The following TRIP13 variants were observed in gnomAD, a reference collection of about 807,000 sequenced individuals.
The protein encoded by TRIP13 is pachytene checkpoint protein 2 homolog.
In TRIP13, 25 loss-of-function variants were observed where a neutral mutation model predicts 54.4. That is an observed-to-expected ratio of 0.46 (90% CI 0.33 to 0.64). The LOEUF (loss-of-function observed/expected upper bound fraction) is 0.64, where lower values mean the gene tolerates loss of function less well. Ranked by LOEUF, TRIP13 falls within the 30% of genes least tolerant of loss-of-function variation. The pLI is 0.02. For synonymous variants in TRIP13, 207 were observed against 207.8 expected, an observed-to-expected ratio of 1.00 and a Z score of 0.03; for missense variants, 373 against 534.2, an observed-to-expected ratio of 0.70 and a Z score of 2.97.
At position 912,937 on chromosome 5, in the gene TRIP13, T is replaced by C. The variant is rs1010361306; in HGVS notation, c.1020+941T>C. 6.6e-6 allele frequency among the ~76,000 whole-genome samples: 1 copy of C among 152,326 alleles called. No homozygotes were observed. The highest frequency in any genetic ancestry group is 6.5e-5 in the Admixed American group (1 of 15,308). On this transcript the variant is annotated intron_variant, in intron 10 of 12. Coordinates refer to ENST00000166345, the MANE Select transcript of TRIP13 (RefSeq NM_004237.4). This position sits in a 1 kb window ranked among gnomAD's most constrained non-coding sequence, Gnocchi z 7.2. ...TGAGTTTAATGCAGTTGTTGCCACCTGCTGGTACCACAGAGTAGGGGTGTT... is the reference window on the plus strand; with the variant it reads ...TGAGTTTAATGCAGTTGTTGCCACCCGCTGGTACCACAGAGTAGGGGTGTT...
rs751270017 is a variant in TRIP13 at position 908,105 on chromosome 5, C to T, written c.759+31C>T. 1 of 1,611,296 alleles carries T rather than the reference C, an allele frequency of 6.2e-7. No individual in the cohort carries two copies. Among genetic ancestry groups the T allele is most frequent in the Non-Finnish European group, 8.5e-7 (1 of 1,177,374 alleles). On this transcript the variant is annotated intron_variant, in intron 8 of 12. Coordinates refer to ENST00000166345, the MANE Select transcript of TRIP13 (RefSeq NM_004237.4). The surrounding 1 kb of genome is among the most constrained non-coding windows in gnomAD (Gnocchi z 5.2). ...CATTTCCAGATAAGGAAATTCATGA[C>T]AGAATCGCCTTTTGCCATTGTGGGG...
At position 893,031 on chromosome 5, in the gene TRIP13, G is replaced by A; in HGVS notation, c.33G>A (p.Ala11=). ...AGGCCGTGGGCGACCTGAAGCAGGC[G>A]CTTCCCTGTGTGGCCGAGTCGCCAA... MDEAVGDLKQ[A]LPCVAESPTV... is the part of the protein sequence containing the mutation. The change falls in exon 1 of 13, where the codon GCG becomes GCA. Residue 11 remains alanine (A), a synonymous_variant. Transcript: ENST00000166345. 2 of 1,595,144 alleles carry A rather than the reference G, an allele frequency of 1.3e-6. No homozygotes were observed. Among genetic ancestry groups the A allele is most frequent in the South Asian group, 1.1e-5 (1 of 88,074 alleles).
At chr5:902,833 G>A (rs1029849720) in intron 5 of TRIP13, among the ~76,000 whole-genome samples, 2 of 152,238 alleles carry the variant, frequency 1.3e-5, no homozygotes, top group African/African-American at 4.8e-5. Context: ...CGTGGGTCAC[G>A]TGTCCACTGG....
At position 915,562 on chromosome 5, in the gene TRIP13, C is replaced by T. The variant is rs569982514; in HGVS notation, c.1134-342C>T. On this transcript the variant is annotated intron_variant, in intron 11 of 12. Transcript: ENST00000166345. This position sits in a 1 kb window ranked among gnomAD's most constrained non-coding sequence, Gnocchi z 4.2. The stretch of plus-strand genomic sequence containing the variant: ...GGATGCTGGCCCTGGGGCAGAGGCT[C>T]CCGGGCAGGTGATGCCTTCCCTGAG... Among the ~76,000 whole-genome samples the T allele has an allele frequency of 2.6e-5, 4 of 151,180 alleles. No homozygotes were observed. The highest frequency in any genetic ancestry group is 2.1e-4 in the South Asian group (1 of 4,788).
chr5:901,271 G>A, intron 4 of TRIP13, 70 bp from the exon 5 acceptor site: 1 of 1,423,168 alleles, frequency 7.0e-7, no homozygotes, highest in Non-Finnish European at 9.8e-7. Context: ...AGCCCTGGGG[G>A]AGGGCACATT....
intron 4 of TRIP13, 42 bp downstream of exon 4, chr5:900,591 A>G (rs187783664): frequency 3.7e-6 from 6 of 1,603,402 alleles, no homozygotes; most frequent in South Asian, 2.2e-5. Flanking sequence ...TGTTATTTGA[A>G]GAGGAACCAT....
At chr5:900,605 T>C (rs969330259) in intron 4 of TRIP13, 56 bp downstream of exon 4, 1 of 1,587,662 alleles carries the variant, frequency 6.3e-7, no homozygotes, top group Non-Finnish European at 8.6e-7. Context: ...GAACCATTAC[T>C]GTTTTGCTCT....
At chr5:901,865 C>T (rs570509228) in intron 5 of TRIP13, among the ~76,000 whole-genome samples, 47 of 152,286 alleles carry the variant, frequency 3.1e-4, no homozygotes, top group African/African-American at 1.1e-3. Context: ...TCAGGTGATC[C>T]GCCCGCCTCA....
At chr5:905,388 G>A (rs1754092487) in intron 6 of TRIP13, among the ~76,000 whole-genome samples, 1 of 152,164 alleles carries the variant, frequency 6.6e-6, no homozygotes, top group African/African-American at 2.4e-5. Context: ...CCAGGACATC[G>A]GGGGCGCCAT....
In TRIP13 at chr5:907,209, T is replaced by C. The variant is rs773105734; in HGVS notation, c.672+16T>C. 1.3e-6 allele frequency: 2 copies of C among 1,599,492 alleles called. No individual in the cohort carries two copies. Among genetic ancestry groups the C allele is most frequent in the South Asian group, 2.2e-5 (2 of 90,578 alleles). ...GTTTTCGGAAGTAAGTATTAAATAT[T>C]AATTCTAATTGTCTGGATTGTATAG... On this transcript the variant is annotated intron_variant, in intron 7 of 12. Coordinates refer to ENST00000166345, the MANE Select transcript of TRIP13 (RefSeq NM_004237.4). The surrounding 1 kb of genome is among the most constrained non-coding windows in gnomAD (Gnocchi z 4.1).
chr5:911,999 A>C lies in TRIP13; in HGVS notation c.1020+3A>C. 3.8e-6 allele frequency: 6 copies of C among 1,592,384 alleles called. No homozygotes were observed. Among genetic ancestry groups the C allele is most frequent in the Admixed American group, 3.7e-5 (2 of 53,836 alleles). ...CTTGTTTGGAAGAACTGATGAAGGT[A>C]CCTTTATTTTTTTTTTCCTCTTGAT... On this transcript the variant is annotated splice_donor_region_variant and intron_variant, in intron 10 of 12. Transcript: ENST00000166345. The surrounding 1 kb of genome is among the most constrained non-coding windows in gnomAD (Gnocchi z 4.7).
chr5:895,007 A>G (rs960241911), intron 2 of TRIP13, 55 bp downstream of exon 2: 2 of 1,523,086 alleles, frequency 1.3e-6, no homozygotes, highest in African/African-American at 1.4e-5. Flanking sequence ...AAAAGGTTGT[A>G]TCATGAATGT....
intron 5 of TRIP13, among the ~76,000 whole-genome samples, chr5:902,674 T>TAAAAG (rs372633108): frequency 0.12 from 17,997 of 151,884 alleles, 1,955 homozygotes; most frequent in African/African-American, 0.29. Flanking sequence ...GACAAAGAGA[T>TAAAAG]AAAAGACAGC....
At chr5:904,484 T>A (rs1364981910) in intron 6 of TRIP13, among the ~76,000 whole-genome samples, 5 of 152,236 alleles carry the variant, frequency 3.3e-5, no homozygotes, top group African/African-American at 1.2e-4. Flanking sequence ...GATGCAGTGT[T>A]CGTCTCTAAT....
At chr5:900,427 G>C (rs1753958419) in intron 3 of TRIP13, 67 bp from the exon 4 acceptor site, 4 of 1,530,758 alleles carry the variant, frequency 2.6e-6, no homozygotes, top group Non-Finnish European at 3.6e-6. Context: ...GCTCAGGGGA[G>C]ACTGACTGGG....
At position 914,590 on chromosome 5, in the gene TRIP13, C is replaced by T. The variant is rs377725683; in HGVS notation, c.1133+13C>T. On this transcript the variant is annotated intron_variant, in intron 11 of 12. Transcript: ENST00000166345. Reference sequence around the variant, plus strand: ...ATGACATTTCAAGGTGCAAATTGACCTCATTTTTGTAATCAAGAAGAATCC... The same window carrying T: ...ATGACATTTCAAGGTGCAAATTGACTTCATTTTTGTAATCAAGAAGAATCC... 1.3e-6 allele frequency: 2 copies of T among 1,591,346 alleles called. No individual in the cohort carries two copies. Among genetic ancestry groups the T allele is most frequent in the Admixed American group, 1.7e-5 (1 of 59,956 alleles).
At chr5:896,849 C>T in intron 3 of TRIP13, 55 bp downstream of exon 3, 1 of 1,558,158 alleles carries the variant, frequency 6.4e-7, no homozygotes, top group Non-Finnish European at 8.7e-7. Context: ...ATTGTATACT[C>T]CATGCCATGT....
rs375761713 is a variant in TRIP13, at chr5:901,366, T to C, written c.470T>C (p.Leu157Ser). The change falls in exon 5 of 13, where the codon TTA (leucine) becomes TCA (serine). Residue 157 changes from leucine to serine, a missense_variant. Physicochemically the swap from Leu to Ser is moderately radical, Grantham distance 145 (BLOSUM62 -2). Around this residue, in one of 4 missense-constraint regions of TRIP13, gnomAD observed 119 missense variants for 223.0 expected, o/e 0.53. Coordinates refer to ENST00000166345, the MANE Select transcript of TRIP13 (RefSeq NM_004237.4). ...SHLLDYVMTT[L>S]LFSDKNVNSN... ...CTCCTCGATTATGTGATGACAACTTTACTGTTTTCAGACAAGAACGTCAAC... is the reference window on the plus strand; with the variant it reads ...CTCCTCGATTATGTGATGACAACTTCACTGTTTTCAGACAAGAACGTCAAC... The C allele has an allele frequency of 1.9e-5, 30 of 1,614,190 alleles. No individual in the cohort carries two copies. The highest frequency in any genetic ancestry group is 2.5e-5 in the Non-Finnish European group (30 of 1,180,022).
At position 907,929 on chromosome 5, in the gene TRIP13, C is replaced by G; in HGVS notation, c.673-59C>G. The G allele has an allele frequency of 1.9e-6, 3 of 1,562,974 alleles. No individual in the cohort carries two copies. The South Asian group carries it at 3.3e-5, about 17-fold the overall frequency. On this transcript the variant is annotated intron_variant, in intron 7 of 12. Coordinates refer to ENST00000166345, the MANE Select transcript of TRIP13 (RefSeq NM_004237.4). The surrounding 1 kb of genome is among the most constrained non-coding windows in gnomAD (Gnocchi z 4.1). ...GGCAGCAGGCCACATCAGGGTCCCC[C>G]TGTGCACCTGGCAGTGTGGTCCCTG...
Sources: gnomAD v4.1 joint callset for allele counts (sites outside exome capture counted in the v4.1 genomes callset) on GRCh38, gnomAD v4.1.1 for gene constraint, gnomAD v4.1.1 regional missense constraint, Gnocchi (gnomAD v3.1) non-coding constraint, MANE v1.5 for transcripts, NCBI Gene and HGNC (gene_info 2026-07-23, HGNC 2026-07-21) for gene names.